Variants in SGIP1 observed in about 807,000 individuals in gnomAD.
The protein encoded by SGIP1 is SH3-containing GRB2-like protein 3-interacting protein 1.
In SGIP1, 38 loss-of-function variants were observed where a neutral mutation model predicts 107.5. The observed-to-expected ratio is 0.35, with a 90% confidence interval of 0.27 to 0.46. The LOEUF (loss-of-function observed/expected upper bound fraction) is 0.46. Ranked by LOEUF, SGIP1 falls within the 20% of genes least tolerant of loss-of-function variation. The probability of loss-of-function intolerance (pLI) is 1.00; values close to 1 mark genes in which losing one functional copy is unlikely to be tolerated. For synonymous variants in SGIP1, 365 were observed against 366.1 expected, an observed-to-expected ratio of 1.00 and a Z score of 0.03; for missense variants, 929 against 1,019.5, an observed-to-expected ratio of 0.91 and a Z score of 1.21.
chr1:66,694,516 G>C (rs2090483392), intron 17 of SGIP1: 2 of 1,583,470 alleles, frequency 1.3e-6, no homozygotes, highest in Non-Finnish European at 1.7e-6. Context: ...TATGGTGCTA[G>C]CCAAGTGATC....
At chr1:66,533,443 C>T (rs539249654), upstream of SGIP1, 1 of 152,260 alleles carries the variant, frequency 6.6e-6, no homozygotes, top group Non-Finnish European at 1.5e-5. Flanking sequence ...AATGACAGTT[C>T]CCAGCCCTTC....
At chr1:66,627,904 C>A (rs1051132033) in intron 2 of SGIP1, among the ~76,000 whole-genome samples, 2 of 148,768 alleles carry the variant, frequency 1.3e-5, no homozygotes, top group African/African-American at 5.0e-5. Flanking sequence ...CCCCCTCCCC[C>A]ACCCCACAAC....
chr1:66,682,131 C>A lies in SGIP1; in HGVS notation c.1077C>A (p.Gly359=), dbSNP rs1446466038. ...PGPLGPPGPT[G]PPGPPGPPRN... ...CTCTCGGCCCCCCAGGTCCCACAGGCCCCCCAGGGCCTCCTGGGCCTCCTC... is the reference window on the plus strand; with the variant it reads ...CTCTCGGCCCCCCAGGTCCCACAGGACCCCCAGGGCCTCCTGGGCCTCCTC... The change falls in exon 15 of 25, where the codon GGC becomes GGA. Residue 359 remains glycine (G), a synonymous_variant. Transcript: ENST00000371037. 9 of 1,613,930 alleles carry A rather than the reference C, an allele frequency of 5.6e-6. No individual in the cohort carries two copies. In the South Asian group the frequency reaches 8.8e-5, roughly 16 times the overall value.
At chr1:66,670,107 G>C (rs145351830) in intron 9 of SGIP1, among the ~76,000 whole-genome samples, 13 of 152,264 alleles carry the variant, frequency 8.5e-5, no homozygotes, top group African/African-American at 3.1e-4. Flanking sequence ...CTCTGCCCCT[G>C]TCATTCTCCT....
chr1:66,671,295 T>G (rs2083729727), intron 10 of SGIP1, among the ~76,000 whole-genome samples: 2 of 152,204 alleles, frequency 1.3e-5, no homozygotes, highest in Non-Finnish European at 2.9e-5. Flanking sequence ...TTATTTAACT[T>G]TAGAAATGAA....
In SGIP1 at chr1:66,682,116, C is replaced by T. The variant is rs763818478; in HGVS notation, c.1062C>T (p.Pro354=). 9.3e-6 allele frequency: 15 copies of T among 1,613,700 alleles called. No homozygotes were observed. The East Asian group carries it at 2.0e-4, about 22-fold the overall frequency. Residue 354 remains proline, a synonymous_variant, in exon 15 of 25, where the codon CCC becomes CCT. Transcript: ENST00000371037. The stretch of plus-strand genomic sequence containing the variant: ...CCCCAGCTCCAGGCCCTCTCGGCCC[C>T]CCAGGTCCCACAGGCCCCCCAGGGC... The part of the protein sequence containing the change: ...ADSPAPGPLG[P]PGPTGPPGPP...
chr1:66,704,908 T>A (rs989081967), intron 18 of SGIP1, among the ~76,000 whole-genome samples: 1 of 152,196 alleles, frequency 6.6e-6, no homozygotes, highest in Non-Finnish European at 1.5e-5. Context: ...TTTTGCAAAC[T>A]ATAAAGTACT....
chr1:66,596,886 C>G (rs12117202), intron 1 of SGIP1, among the ~76,000 whole-genome samples: 7,711 of 151,890 alleles, frequency 0.051, 597 homozygotes, highest in African/African-American at 0.17. Flanking sequence ...CAAATAAAGG[C>G]AATTATTCCT....
chr1:66,572,889 C>T (rs1039684454), intron 1 of SGIP1, among the ~76,000 whole-genome samples: 5 of 152,082 alleles, frequency 3.3e-5, no homozygotes, highest in African/African-American at 1.2e-4. Context: ...GAATGAAGTA[C>T]TGATACATAT....
At chr1:66,570,030 A>G (rs2060165205) in intron 1 of SGIP1, among the ~76,000 whole-genome samples, 2 of 151,702 alleles carry the variant, frequency 1.3e-5, no homozygotes, top group African/African-American at 2.4e-5. Context: ...CATATTCCTT[A>G]ATTATCCTTT....
chr1:66,592,429 G>T (rs1034688239), intron 1 of SGIP1, among the ~76,000 whole-genome samples: 1 of 152,200 alleles, frequency 6.6e-6, no homozygotes, highest in Non-Finnish European at 1.5e-5. Flanking sequence ...TGGGGCTAGG[G>T]TTACAAATTA....
intron 1 of SGIP1, among the ~76,000 whole-genome samples, chr1:66,568,103 C>T (rs565105084): frequency 6.6e-6 from 1 of 152,176 alleles, no homozygotes; most frequent in South Asian, 2.1e-4. Context: ...GTAGTATGGC[C>T]ATTTTCACAA....
intron 17 of SGIP1, 86 bp from the exon 18 acceptor site, chr1:66,695,348 A>AAT (rs1290214919): frequency 6.2e-7 from 1 of 1,607,228 alleles, no homozygotes; most frequent in Non-Finnish European, 8.5e-7. Flanking sequence ...TAGTGAGATT[A>AAT]ATGACCTGCT....
chr1:66,739,526 A>G lies in SGIP1; in HGVS notation c.2223A>G (p.Pro741=). Residue 741 remains proline (P), a synonymous_variant, in exon 22 of 25, where the codon CCA becomes CCG. Coordinates refer to ENST00000371037, the MANE Select transcript of SGIP1 (RefSeq NM_032291.4). ...GGVTKLQAVL[P]PAVWNAEQQR... Reference sequence around the variant, plus strand: ...TCACCAAGCTCCAGGCAGTGCTCCCACCAGCAGTCTGGTATGAAGCCTCCT... The same window carrying G: ...TCACCAAGCTCCAGGCAGTGCTCCCGCCAGCAGTCTGGTATGAAGCCTCCT... The G allele has an allele frequency of 1.2e-6, 2 of 1,613,766 alleles. No homozygotes were observed. Among genetic ancestry groups the G allele is most frequent in the Non-Finnish European group, 1.7e-6 (2 of 1,180,006 alleles).
intron 16 of SGIP1, among the ~76,000 whole-genome samples, chr1:66,689,966 C>A (rs1034720756): frequency 1.3e-5 from 2 of 152,228 alleles, no homozygotes; most frequent in Non-Finnish European, 2.9e-5. Flanking sequence ...TGTCACAGAT[C>A]CCAGCTTCGC....
At chr1:66,612,872 T>C (rs1202558652) in intron 1 of SGIP1, among the ~76,000 whole-genome samples, 1 of 152,210 alleles carries the variant, frequency 6.6e-6, no homozygotes, top group Non-Finnish European at 1.5e-5. Flanking sequence ...ATTTACATAT[T>C]GTAGCAACTG....
At chr1:66,546,435 C>A (rs552957712) in intron 1 of SGIP1, among the ~76,000 whole-genome samples, 1 of 152,288 alleles carries the variant, frequency 6.6e-6, no homozygotes, top group South Asian at 2.1e-4. Flanking sequence ...TAAGAAAGAA[C>A]CAACCACTAC....
At chr1:66,669,999 T>G (rs1286462699) in intron 9 of SGIP1, among the ~76,000 whole-genome samples, 2 of 152,134 alleles carry the variant, frequency 1.3e-5, no homozygotes, top group African/African-American at 4.8e-5. Context: ...AATTAAAAAG[T>G]AGGAAAAAAT....
chr1:66,681,953 C>G lies in SGIP1; in HGVS notation c.899C>G (p.Ser300Cys), dbSNP rs751366898. ...DLDSIFGPVL[S>C]PKSVAVNAEE... Reference sequence around the variant, plus strand: ...GACAGCATTTTTGGGCCAGTATTGTCCCCCAAGTCTGTTGCTGTTAATGCT... The same window carrying G: ...GACAGCATTTTTGGGCCAGTATTGTGCCCCAAGTCTGTTGCTGTTAATGCT... Residue 300 changes from serine (S) to cysteine (C), a missense_variant, in exon 15 of 25, where the codon TCC becomes TGC. Transcript: ENST00000371037. The G allele has an allele frequency of 1.2e-6, 2 of 1,614,180 alleles. No individual in the cohort carries two copies. Among genetic ancestry groups the G allele is most frequent in the Non-Finnish European group, 1.7e-6 (2 of 1,180,030 alleles).
Sources: allele counts gnomAD v4.1 joint callset (sites outside exome capture counted in the v4.1 genomes callset), GRCh38; gene constraint gnomAD v4.1.1; transcripts MANE v1.5; gene names NCBI Gene and HGNC (gene_info 2026-07-23, HGNC 2026-07-21).